The following PADI4 variants were observed in gnomAD, a reference collection of about 807,000 sequenced individuals.
PADI4 encodes protein-arginine deiminase type-4.
Under a neutral mutation model 75.0 loss-of-function variants are expected in PADI4, and 62 were observed. That is an observed-to-expected ratio of 0.83 (90% CI 0.67 to 1.02). PADI4 has a LOEUF of 1.02. Ranked by LOEUF, PADI4 falls within the 50% of genes least tolerant of loss-of-function variation. The pLI is 0.00. For synonymous variants in PADI4, 361 were observed against 348.1 expected, an observed-to-expected ratio of 1.04 and a Z score of -0.41; for missense variants, 845 against 850.5, an observed-to-expected ratio of 0.99 and a Z score of 0.08.
intron 1 of PADI4, among the ~76,000 whole-genome samples, chr1:17,328,271 G>T (rs2074147895): frequency 1.3e-5 from 2 of 151,890 alleles, no homozygotes; most frequent in South Asian, 4.2e-4. Context: ...CAATCCTCCT[G>T]CCTTTGCCTC....
rs2074526844 is a variant in PADI4, at chr1:17,346,919, T to G, written c.1047+780T>G. The stretch of plus-strand genomic sequence containing the variant: ...TCTTTCTTTTCACCCCCACACAACA[T>G]CCTTTCTTCCTTTCTTGCCATTCCA... On this transcript the variant is annotated intron_variant, in intron 9 of 15. Transcript: ENST00000375448. This position sits in a 1 kb window ranked among gnomAD's most constrained non-coding sequence, Gnocchi z 4.3. 6.6e-6 allele frequency among the ~76,000 whole-genome samples: 1 copy of G among 151,292 alleles called. No homozygotes were observed.
At chr1:17,321,200 T>C (rs1210623595) in intron 1 of PADI4, among the ~76,000 whole-genome samples, 1 of 151,914 alleles carries the variant, frequency 6.6e-6, no homozygotes, top group Non-Finnish European at 1.5e-5. Flanking sequence ...AAGAAGGATG[T>C]GGGAAGGGAG....
chr1:17,341,616 C>T (rs1203153864), intron 6 of PADI4, among the ~76,000 whole-genome samples: 1 of 152,234 alleles, frequency 6.6e-6, no homozygotes, highest in Non-Finnish European at 1.5e-5. Flanking sequence ...CCCTGGTCCC[C>T]TGCTGTGCCC....
rs1347045567 is a variant in PADI4, at chr1:17,363,634, G to A, written c.1871G>A (p.Gly624Asp). ...GTGTGTTCCCTGCTGGAGCCACTGG[G>A]CCTCCAGTGCACCTTCATCAACGAC... ...EKVCSLLEPLGLQCTFINDFF... is the reference protein window; with the variant it reads ...EKVCSLLEPLDLQCTFINDFF... Residue 624 changes from glycine to aspartate, a missense_variant, in exon 16 of 16, where the codon GGC becomes GAC. Transcript: ENST00000375448. 5.6e-6 allele frequency: 9 copies of A among 1,614,052 alleles called. No homozygotes were observed. In the East Asian group the frequency reaches 2.0e-4, roughly 36 times the overall value.
intron 10 of PADI4, among the ~76,000 whole-genome samples, chr1:17,351,609 CAAAAAAAA>C (rs56047360): frequency 4.1e-5 from 4 of 98,010 alleles, no homozygotes; most frequent in African/African-American, 4.4e-5. Context: ...GACCTGGTCT[CAAAAAAAA>C]AAAAAAAAAA....
chr1:17,355,837 A>G, intron 11 of PADI4, 146 bp from the exon 12 acceptor site: 1 of 731,076 alleles, frequency 1.4e-6, no homozygotes, highest in South Asian at 1.6e-5. Context: ...CTCAAATGTT[A>G]GGGGATAAAA....
intron 1 of PADI4, among the ~76,000 whole-genome samples, chr1:17,326,848 G>C (rs1022370894): frequency 6.7e-6 from 1 of 149,260 alleles, no homozygotes; most frequent in African/African-American, 2.5e-5. Flanking sequence ...TCTGATGGTG[G>C]TTTTGTCAAC....
chr1:17,324,567 A>G (rs1311556794), intron 1 of PADI4, among the ~76,000 whole-genome samples: 2 of 152,212 alleles, frequency 1.3e-5, no homozygotes, highest in African/African-American at 2.4e-5. Flanking sequence ...TCCTGGCTCA[A>G]GTGATCTTCC....
intron 4 of PADI4, among the ~76,000 whole-genome samples, chr1:17,337,771 C>T (rs1167987035): frequency 2.0e-5 from 3 of 151,944 alleles, no homozygotes; most frequent in Non-Finnish European, 2.9e-5. Context: ...AAAAATTAGC[C>T]AGGTGTGGTG....
chr1:17,335,067 C>T (rs2074286271), intron 3 of PADI4, among the ~76,000 whole-genome samples: 1 of 152,022 alleles, frequency 6.6e-6, no homozygotes, highest in Non-Finnish European at 1.5e-5. Flanking sequence ...TGCTCGAGCC[C>T]AGAAGGTCAA....
At chr1:17,351,444 A>G (rs1436936088) in intron 10 of PADI4, among the ~76,000 whole-genome samples, 1 of 150,502 alleles carries the variant, frequency 6.6e-6, no homozygotes, top group Non-Finnish European at 1.5e-5. Context: ...AAAAAAAATT[A>G]AAAATAAAAA....
At position 17,363,576 on chromosome 1, in the gene PADI4, G is replaced by A. The variant is rs752032759; in HGVS notation, c.1813G>A (p.Val605Ile). The A allele has an allele frequency of 4.0e-5, 65 of 1,613,878 alleles. No homozygotes were observed. Among genetic ancestry groups the A allele is most frequent in the African/African-American group, 8.0e-5 (6 of 74,918 alleles). ...GGGCATCCCCAAGCCCTTCGGGCCCGTCATCAACGGCCGCTGCTGCCTGGA... is the reference window on the plus strand; with the variant it reads ...GGGCATCCCCAAGCCCTTCGGGCCCATCATCAACGGCCGCTGCTGCCTGGA... ...HLGIPKPFGPVINGRCCLEEK... is the reference protein window; with the variant it reads ...HLGIPKPFGPIINGRCCLEEK... The change falls in exon 16 of 16, where the codon GTC (valine) becomes ATC (isoleucine). Residue 605 changes from valine (V) to isoleucine (I), a missense_variant. Coordinates refer to ENST00000375448, the MANE Select transcript of PADI4 (RefSeq NM_012387.3).
chr1:17,337,812 G>A (rs933836142), intron 4 of PADI4, among the ~76,000 whole-genome samples: 1 of 152,168 alleles, frequency 6.6e-6, no homozygotes, highest in Non-Finnish European at 1.5e-5. Context: ...CTACTCAGGA[G>A]GCTGAGGCAG....
rs780037114 is a variant in PADI4, at chr1:17,359,330, C to T, written c.1680C>T (p.Ala560=). 1.9e-5 allele frequency: 31 copies of T among 1,613,722 alleles called. No homozygotes were observed. The highest frequency in any genetic ancestry group is 5.5e-5 in the South Asian group (5 of 91,050). The change falls in exon 15 of 16, where the codon GCC becomes GCT. Residue 560 remains alanine (A), a synonymous_variant. Coordinates refer to ENST00000375448, the MANE Select transcript of PADI4 (RefSeq NM_012387.3). ...TGCTGAAGCGGGAGCTGGGCCTGGC[C>T]GAGAGTGACATCATTGACATCCCGC... ...RELLKRELGL[A]ESDIIDIPQL...
chr1:17,341,535 T>C (rs563343470), intron 6 of PADI4, among the ~76,000 whole-genome samples: 1 of 152,318 alleles, frequency 6.6e-6, no homozygotes, highest in East Asian at 1.9e-4. Flanking sequence ...TCATGATCTC[T>C]GCTTCTCCCT....
intron 3 of PADI4, among the ~76,000 whole-genome samples, chr1:17,335,557 A>T (rs1292535692): frequency 6.6e-6 from 1 of 152,142 alleles, no homozygotes; most frequent in African/African-American, 2.4e-5. Flanking sequence ...GGGCACACGG[A>T]TCTATTTTAT....
At chr1:17,357,413 C>A (rs1033724551) in intron 13 of PADI4, among the ~76,000 whole-genome samples, 2 of 152,044 alleles carry the variant, frequency 1.3e-5, no homozygotes, top group Admixed American at 1.3e-4. Context: ...GTGATCCACC[C>A]ACCTCGGCCT....
chr1:17,318,551 G>A (rs1026909467), intron 1 of PADI4, among the ~76,000 whole-genome samples: 1 of 152,194 alleles, frequency 6.6e-6, no homozygotes, highest in African/African-American at 2.4e-5. Flanking sequence ...GAGGCGGGAA[G>A]AATAACCTGA....
At chr1:17,337,155 T>G (rs1045801689) in intron 4 of PADI4, among the ~76,000 whole-genome samples, 13 of 151,768 alleles carry the variant, frequency 8.6e-5, no homozygotes, top group African/African-American at 2.9e-4. Context: ...ATTTATGTAT[T>G]TATTTATTTA....
Sources: allele counts gnomAD v4.1 joint callset (sites outside exome capture counted in the v4.1 genomes callset), GRCh38; gene constraint gnomAD v4.1.1; non-coding constraint Gnocchi (gnomAD v3.1); transcripts MANE v1.5; gene names NCBI Gene and HGNC (gene_info 2026-07-23, HGNC 2026-07-21).